MYOF: variants seen among roughly 807,000 people sequenced by gnomAD.
MYOF encodes the protein fer-1-like 3, myoferlin.
In MYOF, 244 loss-of-function variants were observed where a neutral mutation model predicts 284.2. The ratio of observed to expected loss-of-function variants is 0.86; its 90% CI spans 0.77 to 0.95. The LOEUF (loss-of-function observed/expected upper bound fraction) is 0.95. Ranked by LOEUF, MYOF falls within the 40% of genes least tolerant of loss-of-function variation. The probability of loss-of-function intolerance (pLI) is 0.00; values close to 1 mark genes in which losing one functional copy is unlikely to be tolerated. For synonymous variants in MYOF, 904 were observed against 919.7 expected (o/e 0.98, Z 0.31); for missense variants, 2,496 against 2,560.6 (o/e 0.97, Z 0.54).
chr10:93,349,152 G>GT (rs1310345379), intron 36 of MYOF, among the ~76,000 whole-genome samples: 5 of 150,964 alleles, frequency 3.3e-5, no homozygotes, highest in African/African-American at 1.2e-4. Flanking sequence ...AAAAAAGAAA[G>GT]ATTTTTTTTT....
intron 1 of MYOF, among the ~76,000 whole-genome samples, chr10:93,465,336 C>T (rs2056977614): frequency 6.6e-6 from 1 of 152,138 alleles, no homozygotes; most frequent in South Asian, 2.1e-4. Flanking sequence ...ACGCTTACTA[C>T]ATAGTAATTT....
chr10:93,399,534 T>G, intron 12 of MYOF, 39 bp from the exon 13 acceptor site: 1 of 1,521,818 alleles, frequency 6.6e-7, no homozygotes. Context: ...TTAAATTCAA[T>G]TCCCAGAAAT....
chr10:93,473,297 C>T (rs1418284597), intron 1 of MYOF, among the ~76,000 whole-genome samples: 1 of 152,242 alleles, frequency 6.6e-6, no homozygotes, highest in African/African-American at 2.4e-5. Flanking sequence ...CACATCTGGT[C>T]TACCCACTTT....
rs775070716 is a variant in MYOF, at chr10:93,482,109, T to C, written c.86A>G (p.Lys29Arg). 18 of 1,613,460 alleles carry C rather than the reference T, an allele frequency of 1.1e-5. 1 individual carries two copies. The East Asian group carries it at 4.0e-4, about 36-fold the overall frequency. Residue 29 changes from lysine to arginine, a missense_variant and splice_region_variant, in exon 1 of 54, where the codon AAG becomes AGG. By Grantham distance (26) the Lys-to-Arg change is conservative (BLOSUM62 2). Coordinates refer to ENST00000359263, the MANE Select transcript of MYOF (RefSeq NM_013451.4). Reference protein sequence around the residue: ...KPDPIVSVIFKDEKKKTKKVD... With the variant: ...KPDPIVSVIFRDEKKKTKKVD... ...AAAAGAAGAAAACTTTTTCTTACCC[T>C]TAAAAATGACAGAAACAATAGGATC...
intron 3 of MYOF, among the ~76,000 whole-genome samples, chr10:93,446,784 G>A (rs2056442488): frequency 6.6e-6 from 1 of 151,194 alleles, no homozygotes; most frequent in Non-Finnish European, 1.5e-5. Context: ...GCAGTGGTGT[G>A]ATCTCAGTTC....
At chr10:93,455,893 T>A (rs2134323734) in intron 2 of MYOF, among the ~76,000 whole-genome samples, 1 of 152,210 alleles carries the variant, frequency 6.6e-6, no homozygotes, top group Non-Finnish European at 1.5e-5. Flanking sequence ...GTTTCATGAA[T>A]AATTGGGTGG....
Position 93,379,954 on chromosome 10 carries a change from G to A in MYOF, c.1910C>T (p.Thr637Ile), listed in dbSNP as rs765772757. ...TGAAGTCAGGGTAACAACTGGCTTG[G>A]TGTGGGCCCAAGGCAAGTAATAATA... ...NYYYYLPWAH[T>I]KPVVTLTSYW... The change falls in exon 21 of 54, where the codon ACC (threonine) becomes ATC (isoleucine). Residue 637 changes from threonine to isoleucine, a missense_variant. By Grantham distance (89) the Thr-to-Ile change is moderately conservative. Around this residue, in one of 3 missense-constraint regions of MYOF, gnomAD observed 2,436 missense variants for 2,480.7 expected, o/e 0.98. Transcript: ENST00000359263. 6 of 1,613,960 alleles carry A rather than the reference G, an allele frequency of 3.7e-6. No individual in the cohort carries two copies. Among genetic ancestry groups the A allele is most frequent in the Non-Finnish European group, 4.2e-6 (5 of 1,179,972 alleles).
chr10:93,349,162 T>C (rs1844384447), intron 36 of MYOF, among the ~76,000 whole-genome samples: 1 of 152,214 alleles, frequency 6.6e-6, no homozygotes, highest in Non-Finnish European at 1.5e-5. Context: ...GATTTTTTTT[T>C]TAAAGTTAAG....
At chr10:93,463,718 A>T (rs1347295523) in intron 1 of MYOF, among the ~76,000 whole-genome samples, 1 of 151,952 alleles carries the variant, frequency 6.6e-6, no homozygotes, top group Admixed American at 6.6e-5. Flanking sequence ...CAAAATATTT[A>T]AAAATTAACC....
intron 16 of MYOF, among the ~76,000 whole-genome samples, chr10:93,394,817 G>A (rs1205636548): frequency 6.7e-6 from 1 of 149,248 alleles, no homozygotes; most frequent in African/African-American, 2.5e-5. Flanking sequence ...AAATCTATAT[G>A]TTCTTCACCA....
intron 41 of MYOF, among the ~76,000 whole-genome samples, chr10:93,335,391 C>T (rs1442132035): frequency 6.6e-6 from 1 of 152,122 alleles, no homozygotes; most frequent in East Asian, 1.9e-4. Flanking sequence ...AAAACCCAAG[C>T]AAAGCCTTTC....
In MYOF at chr10:93,325,984, T is replaced by A; in HGVS notation, c.5132-19A>T. ...TTGGCTTCTGCAATGGAAAGCAGCA[T>A]TGAAGCAGGAATGAGTATTTGGGAA... On this transcript the variant is annotated intron_variant, in intron 45 of 53. Transcript: ENST00000359263. 6.2e-7 allele frequency: 1 copy of A among 1,613,852 alleles called. No individual in the cohort carries two copies. The highest frequency in any genetic ancestry group is 8.5e-7 in the Non-Finnish European group (1 of 1,179,864).
intron 19 of MYOF, among the ~76,000 whole-genome samples, chr10:93,382,553 T>C (rs1363049520): frequency 2.6e-5 from 4 of 152,198 alleles, no homozygotes; most frequent in Non-Finnish European, 5.9e-5. Context: ...GAGTTGAAGA[T>C]AGGGTCAACG....
Position 93,333,889 on chromosome 10 carries a change from G to A in MYOF, c.4588C>T (p.Pro1530Ser). The A allele has an allele frequency of 6.2e-7, 1 of 1,614,052 alleles. No individual in the cohort carries two copies. Among genetic ancestry groups the A allele is most frequent in the Non-Finnish European group, 8.5e-7 (1 of 1,179,986 alleles). The part of the protein sequence containing the change: ...FKGSFRIYPL[P>S]DDPSVPAPPR... ...GGGGCTGGCACGCTGGGGTCATCCG[G>A]CAGAGGGTAGATCCGAAAGGAGCCC... Residue 1530 changes from proline to serine, a missense_variant, in exon 42 of 54, where the codon CCG (proline) becomes TCG (serine). Transcript: ENST00000359263.
intron 50 of MYOF, among the ~76,000 whole-genome samples, chr10:93,314,453 G>A (rs1265560358): frequency 6.6e-6 from 1 of 152,164 alleles, no homozygotes; most frequent in East Asian, 1.9e-4. Context: ...GGGAACTCCT[G>A]TGAGCCCTTT....
At chr10:93,338,383 T>G in intron 39 of MYOF, 1 of 456,752 alleles carries the variant, frequency 2.2e-6, no homozygotes. Flanking sequence ...AGTTCCTTCC[T>G]TTATGTTATA....
At chr10:93,328,630 TGTTA>T (rs1843161258) in intron 45 of MYOF, 129 bp downstream of exon 45, 14 of 861,354 alleles carry the variant, frequency 1.6e-5, no homozygotes, top group South Asian at 3.0e-5. Context: ...ACGTGGCTGT[TGTTA>T]GTGTCACGTG....
At chr10:93,479,862 G>A (rs541067486) in intron 1 of MYOF, among the ~76,000 whole-genome samples, 2 of 152,304 alleles carry the variant, frequency 1.3e-5, no homozygotes, top group East Asian at 3.9e-4. Flanking sequence ...GTAATTGTTT[G>A]TATAGACTAT....
rs1431365033 is a variant in MYOF, at chr10:93,353,823, C to T, written c.3469G>A (p.Asp1157Asn). Residue 1157 changes from aspartate to asparagine, a missense_variant, in exon 32 of 54, where the codon GAT becomes AAT. Physicochemically the swap from Asp to Asn is conservative, Grantham distance 23. Coordinates refer to ENST00000359263, the MANE Select transcript of MYOF (RefSeq NM_013451.4). ...QARNLLALDK[D>N]SFSDPYAHIC... ...TTTTTTCCTTTACCTGAAAAGCTAT[C>T]CTTATCTAAAGCCAAGAGGTTTCTG... 1.1e-5 allele frequency: 18 copies of T among 1,608,352 alleles called. No individual in the cohort carries two copies. The highest frequency in any genetic ancestry group is 1.5e-5 in the Non-Finnish European group (18 of 1,176,620).
Sources: allele counts gnomAD v4.1 joint callset (sites outside exome capture counted in the v4.1 genomes callset), GRCh38; gene constraint gnomAD v4.1.1; regional missense constraint gnomAD v4.1.1; transcripts MANE v1.5; gene names NCBI Gene and HGNC (gene_info 2026-07-23, HGNC 2026-07-21).